Variants in XKR4 observed in about 807,000 individuals in gnomAD.
The protein encoded by XKR4 is XK-related protein 4.
Under a neutral mutation model 53.9 loss-of-function variants are expected in XKR4, and 12 were observed. That is an observed-to-expected ratio of 0.22 (90% CI 0.14 to 0.36). The LOEUF (loss-of-function observed/expected upper bound fraction) is 0.36. Ranked by LOEUF, XKR4 falls within the 10% of genes least tolerant of loss-of-function variation. XKR4 has a pLI of 1.00. For missense variants in XKR4, 799 were observed against 859.5 expected, an observed-to-expected ratio of 0.93 and a Z score of 0.88; for synonymous variants, 354 against 362.4, an observed-to-expected ratio of 0.98 and a Z score of 0.26.
chr8:55,279,490 A>G (rs1818807129), intron 1 of XKR4, among the ~76,000 whole-genome samples: 1 of 152,232 alleles, frequency 6.6e-6, no homozygotes, highest in Non-Finnish European at 1.5e-5. Context: ...GCTGTTGTTT[A>G]GGTGAATCTG....
chr8:55,107,612 T>C (rs750521014), intron 1 of XKR4, among the ~76,000 whole-genome samples: 1 of 152,152 alleles, frequency 6.6e-6, no homozygotes, highest in Non-Finnish European at 1.5e-5. Flanking sequence ...AGGAACATGA[T>C]CTCGTAGTAG....
chr8:55,275,158 A>G (rs568052639), intron 1 of XKR4, among the ~76,000 whole-genome samples: 12 of 152,332 alleles, frequency 7.9e-5, no homozygotes, highest in African/African-American at 2.9e-4. Context: ...TTCCATTTCA[A>G]AAGTAAAATA....
chr8:55,473,475 A>G (rs530248240), intron 2 of XKR4, among the ~76,000 whole-genome samples: 1 of 152,298 alleles, frequency 6.6e-6, no homozygotes, highest in African/African-American at 2.4e-5. Flanking sequence ...TGATAAAGTA[A>G]CATAGATATT....
At chr8:55,342,548 C>G (rs901354950) in intron 1 of XKR4, among the ~76,000 whole-genome samples, 4 of 152,042 alleles carry the variant, frequency 2.6e-5, no homozygotes, top group Non-Finnish European at 4.4e-5. Context: ...CCTCTCTGCT[C>G]TGATCTCCCA....
chr8:55,408,644 A>T (rs1188498977), intron 2 of XKR4, among the ~76,000 whole-genome samples: 1 of 152,156 alleles, frequency 6.6e-6, no homozygotes, highest in Non-Finnish European at 1.5e-5. Flanking sequence ...CAGGTGGCAA[A>T]GATTGGCAAC....
intron 2 of XKR4, among the ~76,000 whole-genome samples, chr8:55,443,462 G>A (rs552208619): frequency 7.8e-6 from 1 of 128,252 alleles, no homozygotes; most frequent in East Asian, 2.4e-4. Context: ...ATCCTTAAGA[G>A]CAAGAGACAT....
chr8:55,140,305 G>C (rs996917232), intron 1 of XKR4: 5 of 224,818 alleles, frequency 2.2e-5, no homozygotes, highest in African/African-American at 1.2e-4. Context: ...GGTGTTCATG[G>C]AAGTCTGTGA....
At chr8:55,164,205 C>G (rs776450509) in intron 1 of XKR4, 1 of 456,680 alleles carries the variant, frequency 2.2e-6, no homozygotes, top group South Asian at 1.5e-5. Flanking sequence ...CGCCGCCTCC[C>G]CACAGCACCT....
intron 1 of XKR4, among the ~76,000 whole-genome samples, chr8:55,342,303 C>T (rs187644868): frequency 6.6e-6 from 1 of 152,264 alleles, no homozygotes; most frequent in Admixed American, 6.5e-5. Context: ...CAGTTCCTCA[C>T]TGCTATTGTG....
At chr8:55,498,498 G>A (rs900485028) in intron 2 of XKR4, among the ~76,000 whole-genome samples, 5 of 152,172 alleles carry the variant, frequency 3.3e-5, no homozygotes, top group African/African-American at 9.7e-5. Context: ...GGTGATGCAG[G>A]GCCGGGCACA....
intron 1 of XKR4, among the ~76,000 whole-genome samples, chr8:55,167,333 G>C (rs981497839): frequency 1.3e-5 from 2 of 152,214 alleles, no homozygotes; most frequent in Admixed American, 6.5e-5. Context: ...CTTGCAGTGA[G>C]TCTGGGTTTG....
intron 1 of XKR4, among the ~76,000 whole-genome samples, chr8:55,136,527 C>A (rs960626403): frequency 3.9e-5 from 6 of 152,178 alleles, no homozygotes; most frequent in African/African-American, 1.4e-4. Flanking sequence ...AATATAATAT[C>A]AACGCTCCAC....
intron 1 of XKR4, among the ~76,000 whole-genome samples, chr8:55,231,387 A>G (rs1307743922): frequency 6.6e-6 from 1 of 152,218 alleles, no homozygotes; most frequent in Non-Finnish European, 1.5e-5. Context: ...TTATAATAGA[A>G]TATCTGCCCT....
At chr8:55,376,052 C>T (rs1804147514) in intron 2 of XKR4, among the ~76,000 whole-genome samples, 1 of 152,274 alleles carries the variant, frequency 6.6e-6, no homozygotes, top group Non-Finnish European at 1.5e-5. Flanking sequence ...CTACAAAGGA[C>T]ACAATCTCTT....
At chr8:55,233,130 A>T (rs990957933) in intron 1 of XKR4, among the ~76,000 whole-genome samples, 1 of 152,222 alleles carries the variant, frequency 6.6e-6, no homozygotes, top group East Asian at 1.9e-4. Context: ...AAGTCACTCA[A>T]TTGAAAGGGG....
At chr8:55,320,234 G>T (rs1803185608) in intron 1 of XKR4, among the ~76,000 whole-genome samples, 1 of 152,176 alleles carries the variant, frequency 6.6e-6, no homozygotes, top group African/African-American at 2.4e-5. Context: ...TTCAAACAAT[G>T]AGTACTTTTA....
rs1300483858 is a variant in XKR4, at chr8:55,385,113, G to A, written c.1006+27236G>A. On this transcript the variant is annotated intron_variant, in intron 2 of 2. Transcript: ENST00000327381. ...TCTACATTGGCAATATGCTCTAAGGGCAGCTAAAATTTGTGATTATAAAGA... is the reference window on the plus strand; with the variant it reads ...TCTACATTGGCAATATGCTCTAAGGACAGCTAAAATTTGTGATTATAAAGA... 3.3e-5 allele frequency among the ~76,000 whole-genome samples: 5 copies of A among 152,204 alleles called. No homozygotes were observed. In the South Asian group the frequency reaches 1.0e-3, roughly 32 times the overall value.
At chr8:55,284,810 G>T (rs1450748417) in intron 1 of XKR4, among the ~76,000 whole-genome samples, 2 of 152,172 alleles carry the variant, frequency 1.3e-5, no homozygotes, top group Non-Finnish European at 2.9e-5. Context: ...AGGGAGGATT[G>T]CCAAAGAATA....
chr8:55,248,496 G>A (rs1818320192), intron 1 of XKR4, among the ~76,000 whole-genome samples: 3 of 152,180 alleles, frequency 2.0e-5, no homozygotes, highest in Admixed American at 6.5e-5. Context: ...CTCAGTCAGT[G>A]ATAAATATTT....
Sources: gnomAD v4.1 joint callset for allele counts (sites outside exome capture counted in the v4.1 genomes callset) on GRCh38, gnomAD v4.1.1 for gene constraint, MANE v1.5 for transcripts, NCBI Gene and HGNC (gene_info 2026-07-23, HGNC 2026-07-21) for gene names.